The following CYP2B6 variants were observed in gnomAD, a reference collection of about 807,000 sequenced individuals.
CYP2B6 encodes cytochrome P450 2B6.
CYP2B6 carries 35 observed loss-of-function variants against 43.4 expected under a neutral mutation model. That is an observed-to-expected ratio of 0.81 (90% CI 0.62 to 1.07). The LOEUF (loss-of-function observed/expected upper bound fraction) is 1.07. Ranked by LOEUF, CYP2B6 falls within the 50% of genes least tolerant of loss-of-function variation. The pLI is 0.00. For missense variants in CYP2B6, 624 were observed against 632.8 expected, an observed-to-expected ratio of 0.99 and a Z score of 0.15; for synonymous variants, 239 against 239.2, an observed-to-expected ratio of 1.00 and a Z score of 0.01.
At position 41,004,141 on chromosome 19, in the gene CYP2B6, C is replaced by T. The variant is rs1348111588; in HGVS notation, c.312C>T (p.Val104=). 21 of 1,606,258 alleles carry T rather than the reference C, an allele frequency of 1.3e-5. No individual in the cohort carries two copies. Among genetic ancestry groups the T allele is most frequent in the South Asian group, 7.7e-5 (7 of 90,834 alleles). Residue 104 remains valine (V), a synonymous_variant, in exon 2 of 9, where the codon GTC becomes GTT. Transcript: ENST00000324071. The part of the protein sequence containing the change: ...AFSGRGKIAM[V]DPFFRGYGVI... Reference sequence around the variant, plus strand: ...CTGGCCGGGGAAAAATCGCCATGGTCGACCCATTCTTCCGGGGATATGGTG... The same window carrying T: ...CTGGCCGGGGAAAAATCGCCATGGTTGACCCATTCTTCCGGGGATATGGTG...
intron 1 of CYP2B6, among the ~76,000 whole-genome samples, chr19:40,995,566 T>C (rs1242801360): frequency 6.6e-6 from 1 of 152,216 alleles, no homozygotes; most frequent in African/African-American, 2.4e-5. Flanking sequence ...TCATTTTACC[T>C]GGTGAAAACA....
chr19:41,008,608 G>A lies in CYP2B6; in HGVS notation c.646-611G>A, dbSNP rs140720618. Among the ~76,000 whole-genome samples, 499 of 151,516 alleles carry A rather than the reference G, an allele frequency of 3.3e-3. 4 individuals are homozygous for A. The highest frequency in any genetic ancestry group is 0.011 in the African/African-American group (473 of 41,152). On this transcript the variant is annotated intron_variant, in intron 4 of 8. Transcript: ENST00000324071. ...GTAATTCTAATGTTCTCCTCCCACC[G>A]AGAACCACAGAGAAAAGTCTGGAAG...
Position 40,992,743 on chromosome 19 carries a change from C to T in CYP2B6, c.171+1267C>T, listed in dbSNP as rs34716861. 2.0e-3 allele frequency among the ~76,000 whole-genome samples: 303 copies of T among 152,170 alleles called. 2 individuals carry two copies. The highest frequency in any genetic ancestry group is 6.8e-3 in the African/African-American group (283 of 41,480). Reference sequence around the variant, plus strand: ...CCATGTTGCCCAGACTGGTCTTAAACTCCTGGGCTCAAGCAATCCACCTGC... The same window carrying T: ...CCATGTTGCCCAGACTGGTCTTAAATTCCTGGGCTCAAGCAATCCACCTGC... On this transcript the variant is annotated intron_variant, in intron 1 of 8. Coordinates refer to ENST00000324071, the MANE Select transcript of CYP2B6 (RefSeq NM_000767.5).
Position 41,017,231 on chromosome 19 carries a change from TG to T in CYP2B6, c.*408del. On this transcript the variant is annotated 3_prime_UTR_variant, in exon 9 of 9. Coordinates refer to ENST00000324071, the MANE Select transcript of CYP2B6 (RefSeq NM_000767.5). ...CTAATTTTTGTATTTTTAGTAGAGA[TG>T]GGGTTTCACTGTGTAGGCCAGGCTG... is the stretch of plus-strand genomic sequence containing the variant. The T allele has an allele frequency of 6.3e-6, 1 of 159,844 alleles. No homozygotes were observed. The highest frequency in any genetic ancestry group is 1.4e-5 in the Non-Finnish European group (1 of 72,088). The allele number at this position is 159,844 out of a possible 1,614,324, so 9.9% of individuals were successfully genotyped here. A position where few individuals can be genotyped will look rare whatever the true frequency, so the allele number is the denominator to read the frequency against.
Position 41,018,084 on chromosome 19 carries a change from T to A in CYP2B6, c.*1257T>A, listed in dbSNP as rs1190580187. On this transcript the variant is annotated 3_prime_UTR_variant, in exon 9 of 9. Transcript: ENST00000324071. ...GTGGTGAGCTCCTGGCCTCAGGTGA[T>A]CCACCCACCTCAGTGTTCCAAAGTG... The A allele has an allele frequency of 6.6e-6, 1 of 152,192 alleles. No homozygotes were observed. Among genetic ancestry groups the A allele is most frequent in the Non-Finnish European group, 1.5e-5 (1 of 68,044 alleles). The allele number at this position is 152,192 out of a possible 1,614,324, so 9.4% of individuals were successfully genotyped here. A position where few individuals can be genotyped will look rare whatever the true frequency, so the allele number is the denominator to read the frequency against.
intron 1 of CYP2B6, among the ~76,000 whole-genome samples, chr19:40,995,159 GA>G (rs1259085014): frequency 1.3e-5 from 2 of 152,110 alleles, no homozygotes; most frequent in East Asian, 3.8e-4. Context: ...GGGAAGAAAG[GA>G]TAAAAGATAA....
At chr19:40,995,490 G>A (rs1223731835) in intron 1 of CYP2B6, among the ~76,000 whole-genome samples, 1 of 152,090 alleles carries the variant, frequency 6.6e-6, no homozygotes, top group African/African-American at 2.4e-5. Flanking sequence ...ATTTCCAAAG[G>A]GCCCAACCTC....
intron 7 of CYP2B6, 46 bp downstream of exon 7, chr19:41,012,531 G>C: frequency 6.2e-7 from 1 of 1,612,572 alleles, no homozygotes; most frequent in Non-Finnish European, 8.5e-7. Context: ...GGGCATCCTG[G>C]ATTCTCTTAA....
chr19:41,003,989 T>G lies in CYP2B6; in HGVS notation c.172-12T>G. 6.2e-7 allele frequency: 1 copy of G among 1,612,126 alleles called. No homozygotes were observed. The highest frequency in any genetic ancestry group is 1.7e-5 in the Admixed American group (1 of 59,990). On this transcript the variant is annotated splice_polypyrimidine_tract_variant and intron_variant, in intron 1 of 8. Transcript: ENST00000324071. ...GACTAACAGCCACCCCTGGTGTGGA[T>G]GTGATTGGCAGTTCCGAGAGAAATA...
Position 40,998,899 on chromosome 19 carries a change from C to T in CYP2B6, c.172-5102C>T, listed in dbSNP as rs1336009045. ...GCAATAAACATACATGTGCATGTGT[C>T]TTTATAGCAGCATGATTTATAGTCC... On this transcript the variant is annotated intron_variant, in intron 1 of 8. Coordinates refer to ENST00000324071, the MANE Select transcript of CYP2B6 (RefSeq NM_000767.5). Among the ~76,000 whole-genome samples the T allele has an allele frequency of 5.2e-5, 6 of 115,858 alleles. No homozygotes were observed. In the Admixed American group the frequency reaches 5.7e-4, roughly 11 times the overall value. The allele number at this position is 115,858 out of a possible 152,430, so 76.0% of individuals were successfully genotyped here.
chr19:41,007,087 A>G, intron 4 of CYP2B6, 22 bp downstream of exon 4: 1 of 1,613,130 alleles, frequency 6.2e-7, no homozygotes. Context: ...GGAGAGGGAC[A>G]GGGGGTGTGG....
At chr19:41,004,507 C>A in intron 3 of CYP2B6, 61 bp downstream of exon 3, 3 of 1,579,034 alleles carry the variant, frequency 1.9e-6, no homozygotes, top group East Asian at 2.3e-5. Context: ...TGCAGGTGCA[C>A]GGGAATAGAA....
chr19:40,999,134 G>C (rs1179669801), intron 1 of CYP2B6, among the ~76,000 whole-genome samples: 3 of 151,618 alleles, frequency 2.0e-5, no homozygotes, highest in Non-Finnish European at 4.4e-5. Context: ...GTGTGAGATG[G>C]TATCTCATTG....
chr19:41,002,829 G>A (rs1969116564), intron 1 of CYP2B6, among the ~76,000 whole-genome samples: 1 of 152,076 alleles, frequency 6.6e-6, no homozygotes, highest in African/African-American at 2.4e-5. Flanking sequence ...TTACAGATGT[G>A]AGTCACCACG....
At chr19:41,015,845 C>T (rs202032900) in intron 8 of CYP2B6, among the ~76,000 whole-genome samples, 1 of 149,754 alleles carries the variant, frequency 6.7e-6, no homozygotes, top group African/African-American at 2.4e-5. Flanking sequence ...CTTAAGCCTC[C>T]TTAGCACAAG....
chr19:41,004,043 C>T lies in CYP2B6; in HGVS notation c.214C>T (p.Pro72Ser). ...YGDVFTVHLG[P>S]RPVVMLCGVE... The stretch of plus-strand genomic sequence containing the variant: ...GGACGTCTTCACGGTACACCTGGGA[C>T]CGAGGCCCGTGGTCATGCTGTGTGG... The change falls in exon 2 of 9, where the codon CCG becomes TCG. Residue 72 changes from proline (P) to serine (S), a missense_variant. Transcript: ENST00000324071. 6.2e-7 allele frequency: 1 copy of T among 1,613,726 alleles called. No homozygotes were observed. Among genetic ancestry groups the T allele is most frequent in the Non-Finnish European group, 8.5e-7 (1 of 1,179,762 alleles).
chr19:41,006,099 G>C (rs1969179060), intron 3 of CYP2B6, among the ~76,000 whole-genome samples: 1 of 152,074 alleles, frequency 6.6e-6, no homozygotes. Context: ...GAGAGCCCTA[G>C]ATGTGGAAAG....
At chr19:40,998,632 T>A (rs1233155096) in intron 1 of CYP2B6, among the ~76,000 whole-genome samples, 1 of 141,742 alleles carries the variant, frequency 7.1e-6, no homozygotes, top group Non-Finnish European at 1.5e-5. Context: ...GTCCATGTGA[T>A]CTCATTGTTC....
chr19:41,006,460 T>G (rs1054075295), intron 3 of CYP2B6, among the ~76,000 whole-genome samples: 3 of 151,714 alleles, frequency 2.0e-5, no homozygotes, highest in African/African-American at 7.3e-5. Flanking sequence ...ACCCAGGGCT[T>G]TTTAATTTAT....
Sources: allele counts gnomAD v4.1 joint callset (sites outside exome capture counted in the v4.1 genomes callset), GRCh38; gene constraint gnomAD v4.1.1; transcripts MANE v1.5; gene names NCBI Gene and HGNC (gene_info 2026-07-23, HGNC 2026-07-21).